The following MTREX variants were observed in gnomAD, a reference collection of about 807,000 sequenced individuals.
MTREX encodes the protein exosome RNA helicase MTR4.
MTREX carries 76 observed loss-of-function variants against 135.4 expected under a neutral mutation model. That is an observed-to-expected ratio of 0.56 (90% CI 0.47 to 0.68). The LOEUF (loss-of-function observed/expected upper bound fraction) is 0.68. Ranked by LOEUF, MTREX falls within the 30% of genes least tolerant of loss-of-function variation. MTREX has a pLI of 0.00. For synonymous variants in MTREX, 404 were observed against 401.6 expected, an observed-to-expected ratio of 1.01 and a Z score of -0.07; for missense variants, 920 against 1,262.1, an observed-to-expected ratio of 0.73 and a Z score of 4.11.
At chr5:55,423,056 A>G (rs1223763990) in intron 26 of MTREX, 74 bp downstream of exon 26, 5 of 1,053,496 alleles carry the variant, frequency 4.7e-6, no homozygotes, top group Admixed American at 2.0e-5. Flanking sequence ...CTGGACCACA[A>G]CCTAGGAGGA....
At chr5:55,308,985 A>G (rs1561180956) in intron 1 of MTREX, among the ~76,000 whole-genome samples, 1 of 150,250 alleles carries the variant, frequency 6.7e-6, no homozygotes, top group Non-Finnish European at 1.5e-5. Context: ...TACCCATTAA[A>G]GAGTTACAGT....
At chr5:55,349,723 G>A in intron 12 of MTREX, 71 bp downstream of exon 12, 1 of 839,244 alleles carries the variant, frequency 1.2e-6, no homozygotes, top group Non-Finnish European at 2.0e-6. Flanking sequence ...TACATTGCTT[G>A]GTTTTATTAC....
At chr5:55,312,515 T>G (rs1749131110) in intron 1 of MTREX, among the ~76,000 whole-genome samples, 1 of 152,196 alleles carries the variant, frequency 6.6e-6, no homozygotes, top group African/African-American at 2.4e-5. Context: ...GTGCCCCTTT[T>G]TAATACATCC....
At chr5:55,321,183 C>A (rs1375639052) in intron 1 of MTREX, among the ~76,000 whole-genome samples, 2 of 152,008 alleles carry the variant, frequency 1.3e-5, no homozygotes, top group African/African-American at 4.8e-5. Context: ...TCAATAGATA[C>A]AACCACATAA....
chr5:55,325,436 A>G (rs1461201133), intron 3 of MTREX, among the ~76,000 whole-genome samples: 11 of 151,586 alleles, frequency 7.3e-5, no homozygotes, highest in Non-Finnish European at 4.4e-5. Context: ...GGCTCAAGCA[A>G]TCCTTCTGTC....
intron 14 of MTREX, chr5:55,357,249 T>C (rs559393957): frequency 6.5e-6 from 1 of 152,834 alleles, no homozygotes; most frequent in Admixed American, 6.5e-5. Flanking sequence ...GAATCTCCTT[T>C]GCCAATTGGG....
chr5:55,363,340 G>GT (rs1410527157), intron 15 of MTREX, among the ~76,000 whole-genome samples: 1 of 152,126 alleles, frequency 6.6e-6, no homozygotes, highest in Non-Finnish European at 1.5e-5. Context: ...ATTCTAAAAT[G>GT]TAAGAGATCA....
intron 14 of MTREX, among the ~76,000 whole-genome samples, chr5:55,354,359 G>A (rs1356389986): frequency 6.6e-6 from 1 of 152,138 alleles, no homozygotes; most frequent in East Asian, 1.9e-4. Context: ...GAATATTGGC[G>A]GGGGTGAAAG....
At chr5:55,382,403 G>A (rs570375100) in intron 18 of MTREX, among the ~76,000 whole-genome samples, 1 of 151,888 alleles carries the variant, frequency 6.6e-6, no homozygotes, top group Non-Finnish European at 1.5e-5. Flanking sequence ...TTCCATATAC[G>A]TATTATTAGA....
chr5:55,396,603 T>A (rs10040107), intron 19 of MTREX, among the ~76,000 whole-genome samples: 1,642 of 152,330 alleles, frequency 0.011, 28 homozygotes, highest in African/African-American at 0.037. Context: ...TTTGGCAAAT[T>A]ATCGAACCTT....
intron 6 of MTREX, among the ~76,000 whole-genome samples, chr5:55,341,356 G>T (rs1338878961): frequency 2.6e-5 from 4 of 152,140 alleles, no homozygotes; most frequent in Non-Finnish European, 5.9e-5. Flanking sequence ...TGTATAGAAG[G>T]AAGTTGCATC....
intron 22 of MTREX, among the ~76,000 whole-genome samples, chr5:55,409,936 C>G (rs1426069000): frequency 6.6e-6 from 1 of 152,096 alleles, no homozygotes; most frequent in Non-Finnish European, 1.5e-5. Flanking sequence ...GTCTTCTGGC[C>G]AGGTGTAGTG....
intron 16 of MTREX, among the ~76,000 whole-genome samples, chr5:55,375,114 A>G (rs1579878608): frequency 6.6e-6 from 1 of 152,196 alleles, no homozygotes; most frequent in Admixed American, 6.5e-5. Context: ...TCACAAGGCA[A>G]GTGGAGGCAG....
At chr5:55,368,436 C>T (rs375632354) in intron 16 of MTREX, among the ~76,000 whole-genome samples, 11 of 151,898 alleles carry the variant, frequency 7.2e-5, no homozygotes, top group South Asian at 6.3e-4. Context: ...GGTGACAGAG[C>T]GAGACTCCAT....
chr5:55,351,854 T>G (rs1749833658), intron 13 of MTREX, among the ~76,000 whole-genome samples: 1 of 151,984 alleles, frequency 6.6e-6, no homozygotes, highest in Non-Finnish European at 1.5e-5. Context: ...TTTTTTTTTT[T>G]TTTTGAGGCA....
intron 19 of MTREX, among the ~76,000 whole-genome samples, chr5:55,395,567 C>T (rs1450803549): frequency 6.6e-6 from 1 of 152,086 alleles, no homozygotes; most frequent in Non-Finnish European, 1.5e-5. Context: ...TAAAGGCTCT[C>T]CCTACAAATT....
At chr5:55,409,068 C>G (rs778706647) in intron 22 of MTREX, among the ~76,000 whole-genome samples, 1 of 152,108 alleles carries the variant, frequency 6.6e-6, no homozygotes, top group Non-Finnish European at 1.5e-5. Flanking sequence ...CCTCCCACCT[C>G]AGCCTCCTGA....
At chr5:55,324,840 T>C (rs2112034873) in intron 3 of MTREX, 1 of 152,306 alleles carries the variant, frequency 6.6e-6, no homozygotes, top group East Asian at 1.9e-4. Flanking sequence ...CCTTGTGGTG[T>C]GGTTGTGAGG....
chr5:55,413,867 T>C lies in MTREX; in HGVS notation c.2752-315T>C, dbSNP rs191759108. Among the ~76,000 whole-genome samples the C allele has an allele frequency of 3.3e-5, 5 of 152,344 alleles. No homozygotes were observed. In the East Asian group the frequency reaches 9.6e-4, roughly 29 times the overall value. ...TTTAATGTTGATGTAACTAAACTAC[T>C]ATGTATGTTTACAATATTTACCCTC... On this transcript the variant is annotated intron_variant, in intron 23 of 26. Transcript: ENST00000230640.
Sources: allele counts gnomAD v4.1 joint callset (sites outside exome capture counted in the v4.1 genomes callset), GRCh38; gene constraint gnomAD v4.1.1; transcripts MANE v1.5; gene names NCBI Gene and HGNC (gene_info 2026-07-23, HGNC 2026-07-21).